C5orf24: variants seen among roughly 807,000 people sequenced by gnomAD.
The protein encoded by C5orf24 is chromosome 5 open reading frame 24.
Under a neutral mutation model 9.8 loss-of-function variants are expected in C5orf24, and 4 were observed. That is an observed-to-expected ratio of 0.41 (90% CI 0.20 to 0.93). The LOEUF (loss-of-function observed/expected upper bound fraction) is 0.93. C5orf24 is among the 40% of genes least tolerant of loss of function. C5orf24 has a pLI of 0.33. For synonymous variants in C5orf24, 73 were observed against 81.3 expected, an observed-to-expected ratio of 0.90 and a Z score of 0.55; for missense variants, 170 against 236.9, an observed-to-expected ratio of 0.72 and a Z score of 1.85.
At chr5:134,838,399 G>A in the C5orf24 span, among the ~76,000 whole-genome samples, 3 of 152,150 alleles carry the variant, frequency 2.0e-5, no homozygotes, top group Admixed American at 6.5e-5. Flanking sequence ...GGCCGGATGC[G>A]GTGGCTCACG....
At chr5:134,847,034 G>A (rs1367134463) in intron 1 of C5orf24, among the ~76,000 whole-genome samples, 1 of 152,196 alleles carries the variant, frequency 6.6e-6, no homozygotes, top group African/African-American at 2.4e-5. Flanking sequence ...CTTCAGGGAT[G>A]CTTTGTGAAG....
upstream of C5orf24, among the ~76,000 whole-genome samples, chr5:134,842,029 T>A (rs776311151): frequency 6.6e-6 from 1 of 152,124 alleles, no homozygotes; most frequent in Non-Finnish European, 1.5e-5. Context: ...TTTAGAAGTT[T>A]ATAGAATTTT....
At position 134,849,271 on chromosome 5, in the gene C5orf24, T is replaced by G. The variant is rs376534860; in HGVS notation, c.-4+3059T>G. ...CTTCGTCTCAAAAAAAAAAAGGGAGTGTTTCAACAATAGTTAGCTCGGAAG... is the reference window on the plus strand; with the variant it reads ...CTTCGTCTCAAAAAAAAAAAGGGAGGGTTTCAACAATAGTTAGCTCGGAAG... On this transcript the variant is annotated intron_variant, in intron 1 of 1. Transcript: ENST00000394976. Among the ~76,000 whole-genome samples the G allele has an allele frequency of 2.5e-4, 37 of 148,794 alleles. No homozygotes were observed. In the East Asian group the frequency reaches 5.1e-3, roughly 20 times the overall value.
the C5orf24 span, among the ~76,000 whole-genome samples, chr5:134,839,451 ATC>A: frequency 1.1e-4 from 16 of 151,980 alleles, no homozygotes; most frequent in Non-Finnish European, 2.1e-4. Flanking sequence ...TTAAATCCGT[ATC>A]TATCTTCATT....
upstream of C5orf24, among the ~76,000 whole-genome samples, chr5:134,845,513 C>T (rs1755966826): frequency 6.6e-6 from 1 of 152,202 alleles, no homozygotes. Context: ...CCATCCTTTC[C>T]TGTGATTATG....
chr5:134,848,432 G>A (rs1756056671), intron 1 of C5orf24, among the ~76,000 whole-genome samples: 1 of 151,744 alleles, frequency 6.6e-6, no homozygotes, highest in Admixed American at 6.6e-5. Context: ...CAAGGCAGGC[G>A]AATCACCTGA....
intron 1 of C5orf24, among the ~76,000 whole-genome samples, chr5:134,850,991 CATATATTT>C (rs1325785822): frequency 1.4e-5 from 2 of 145,150 alleles, no homozygotes; most frequent in African/African-American, 5.3e-5. Flanking sequence ...TACAGAAATA[CATATATTT>C]ATTTATTTAT....
In C5orf24 at chr5:134,858,975, C is replaced by T. The variant is rs145093735; in HGVS notation, c.*3508C>T. On this transcript the variant is annotated 3_prime_UTR_variant, in exon 2 of 2. Coordinates refer to ENST00000394976, the MANE Select transcript of C5orf24 (RefSeq NM_001135586.1). ...CTGATGTTTGTGTGAATTTACATGT[C>T]TATTTTCATGAACTAAGAATAGAGT... 1.2e-5 allele frequency: 2 copies of T among 166,706 alleles called. No individual in the cohort carries two copies. Among genetic ancestry groups the T allele is most frequent in the African/African-American group, 4.8e-5 (2 of 41,452 alleles). 10.3% of individuals were successfully genotyped at this position (166,706 alleles called of 1,614,324 possible). A position where few individuals can be genotyped will look rare whatever the true frequency, so the allele number is the denominator to read the frequency against.
chr5:134,850,945 CACACACACACT>C (rs1396204841), intron 1 of C5orf24, among the ~76,000 whole-genome samples: 1 of 147,832 alleles, frequency 6.8e-6, no homozygotes, highest in Admixed American at 6.7e-5. Context: ...TATACACACA[CACACACACACT>C]ACACACACAT....
intron 1 of C5orf24, among the ~76,000 whole-genome samples, chr5:134,851,226 C>T (rs1756153889): frequency 6.6e-6 from 1 of 152,058 alleles, no homozygotes; most frequent in Non-Finnish European, 1.5e-5. Context: ...TCGTGGCCAT[C>T]CTGGTTGTCT....
Position 134,847,522 on chromosome 5 carries a change from C to G in C5orf24, c.-4+1310C>G, listed in dbSNP as rs369882618. Among the ~76,000 whole-genome samples the G allele has an allele frequency of 3.3e-5, 5 of 152,274 alleles. No individual in the cohort carries two copies. The East Asian group carries it at 5.8e-4, about 18-fold the overall frequency. On this transcript the variant is annotated intron_variant, in intron 1 of 1. Transcript: ENST00000394976. The stretch of plus-strand genomic sequence containing the variant: ...TGTTGACCAGGCTGGTCTCGAACTG[C>G]TGACCTCGTGATCCACCCTTCTCAA...
At position 134,857,648 on chromosome 5, in the gene C5orf24, A is replaced by G. The variant is rs1756348624; in HGVS notation, c.*2181A>G. 1 of 380,648 alleles carries G rather than the reference A, an allele frequency of 2.6e-6. No homozygotes were observed. The highest frequency in any genetic ancestry group is 4.7e-6 in the Non-Finnish European group (1 of 210,816). 23.6% of individuals were successfully genotyped at this position (380,648 alleles called of 1,614,324 possible). A position where few individuals can be genotyped will look rare whatever the true frequency, so the allele number is the denominator to read the frequency against. ...TTTACTCAGAACAGTATAACTTCTG[A>G]CACACACAAATGCTTGCCTCTTTAT... On this transcript the variant is annotated 3_prime_UTR_variant, in exon 2 of 2. Coordinates refer to ENST00000394976, the MANE Select transcript of C5orf24 (RefSeq NM_001135586.1).
intron 1 of C5orf24, among the ~76,000 whole-genome samples, chr5:134,849,356 T>G (rs1756090914): frequency 6.6e-6 from 1 of 152,206 alleles, no homozygotes; most frequent in Non-Finnish European, 1.5e-5. Flanking sequence ...ACTTTTTATA[T>G]AAACATAAAT....
the C5orf24 span, among the ~76,000 whole-genome samples, chr5:134,838,686 T>C: frequency 6.6e-6 from 1 of 151,840 alleles, no homozygotes; most frequent in Non-Finnish European, 1.5e-5. Context: ...GGCTCATCCC[T>C]ATAATTTCAG....
At position 134,856,370 on chromosome 5, in the gene C5orf24, TG is replaced by T; in HGVS notation, c.*906del. The T allele has an allele frequency of 1.0e-6, 1 of 974,808 alleles. No individual in the cohort carries two copies. Among genetic ancestry groups the T allele is most frequent in the South Asian group, 4.8e-5 (1 of 20,658 alleles). The allele number at this position is 974,808 out of a possible 1,614,324, so 60.4% of individuals were successfully genotyped here. ...ATTATGTTTAAAAACATTTATTGGC[TG>T]GGTGTGGTGGCTCACACCCAGCACT... On this transcript the variant is annotated 3_prime_UTR_variant, in exon 2 of 2. Coordinates refer to ENST00000394976, the MANE Select transcript of C5orf24 (RefSeq NM_001135586.1).
At position 134,846,098 on chromosome 5, in the gene C5orf24, C is replaced by G. The variant is rs1247535655; in HGVS notation, c.-118C>G. The stretch of plus-strand genomic sequence containing the variant: ...CGCTGCCTGCCACTCCGTCTTGGCC[C>G]GTTCTCCGCACCGTGCAGAGGCGGC... On this transcript the variant is annotated 5_prime_UTR_variant, in exon 1 of 2. Coordinates refer to ENST00000394976, the MANE Select transcript of C5orf24 (RefSeq NM_001135586.1). 1 of 152,366 alleles carries G rather than the reference C, an allele frequency of 6.6e-6. No homozygotes were observed. Among genetic ancestry groups the G allele is most frequent in the Non-Finnish European group, 1.5e-5 (1 of 68,162 alleles). 9.4% of individuals were successfully genotyped at this position (152,366 alleles called of 1,614,324 possible). A position where few individuals can be genotyped will look rare whatever the true frequency, so the allele number is the denominator to read the frequency against.
Position 134,855,357 on chromosome 5 carries a change from G to T in C5orf24, c.457G>T (p.Asp153Tyr). 6.2e-7 allele frequency: 1 copy of T among 1,614,124 alleles called. No individual in the cohort carries two copies. Among genetic ancestry groups the T allele is most frequent in the Non-Finnish European group, 8.5e-7 (1 of 1,180,028 alleles). ...GSIKALSRLA[D>Y]LGYGCGTAAF... ...CATTAAAGCTCTATCCCGTCTTGCCGATCTTGGTTATGGCTGTGGCACTGC... is the reference window on the plus strand; with the variant it reads ...CATTAAAGCTCTATCCCGTCTTGCCTATCTTGGTTATGGCTGTGGCACTGC... The change falls in exon 2 of 2, where the codon GAT (aspartate) becomes TAT (tyrosine). Residue 153 changes from aspartate (D) to tyrosine (Y), a missense_variant. By Grantham distance (160) the Asp-to-Tyr change is radical. Coordinates refer to ENST00000394976, the MANE Select transcript of C5orf24 (RefSeq NM_001135586.1).
rs542667232 is a variant in C5orf24 at position 134,848,027 on chromosome 5, T to C, written c.-4+1815T>C. ...CATTCTGACTCTTAAGAAATGTGGC[T>C]TGGGACCGGTCGCGGTGGCTGTGGC... On this transcript the variant is annotated intron_variant, in intron 1 of 1. Coordinates refer to ENST00000394976, the MANE Select transcript of C5orf24 (RefSeq NM_001135586.1). Among the ~76,000 whole-genome samples, 144 of 151,934 alleles carry C rather than the reference T, an allele frequency of 9.5e-4. 1 individual carries two copies. Among genetic ancestry groups the C allele is most frequent in the African/African-American group, 3.4e-3 (140 of 41,232 alleles).
chr5:134,856,146 C>G lies in C5orf24; in HGVS notation c.*679C>G. The G allele has an allele frequency of 1.0e-6, 1 of 998,148 alleles. No homozygotes were observed. Among genetic ancestry groups the G allele is most frequent in the Non-Finnish European group, 1.2e-6 (1 of 828,174 alleles). 61.8% of individuals were successfully genotyped at this position (998,148 alleles called of 1,614,324 possible). Reference sequence around the variant, plus strand: ...TGTGTATTTTTTAATTGCCTAAGAGCATATATACCAAACACTACAAACAAT... The same window carrying G: ...TGTGTATTTTTTAATTGCCTAAGAGGATATATACCAAACACTACAAACAAT... On this transcript the variant is annotated 3_prime_UTR_variant, in exon 2 of 2. Transcript: ENST00000394976.
Sources: allele counts gnomAD v4.1 joint callset (sites outside exome capture counted in the v4.1 genomes callset), GRCh38; gene constraint gnomAD v4.1.1; transcripts MANE v1.5; gene names NCBI Gene and HGNC (gene_info 2026-07-23, HGNC 2026-07-21).